ABCA12: variants seen among roughly 807,000 people sequenced by gnomAD.
The protein encoded by ABCA12 is ATP binding cassette subfamily A member 12.
ABCA12 carries 156 observed loss-of-function variants against 293.5 expected under a neutral mutation model. That is an observed-to-expected ratio of 0.53 (90% CI 0.47 to 0.61). ABCA12 has a LOEUF of 0.61. ABCA12 is among the 20% of genes least tolerant of loss of function. The pLI, the probability that ABCA12 is intolerant of heterozygous loss-of-function variation, is 0.00. For missense variants in ABCA12, 2,797 were observed against 3,090.2 expected (o/e 0.91, Z 2.25); for synonymous variants, 1,063 against 1,108.0 (o/e 0.96, Z 0.81).
chr2:214,994,655 TG>T (rs1277661489), intron 23 of ABCA12, among the ~76,000 whole-genome samples: 9 of 152,376 alleles, frequency 5.9e-5, no homozygotes, highest in African/African-American at 1.9e-4. Flanking sequence ...TTTATATTAT[TG>T]TTTTTTTTAG....
chr2:215,112,509 T>TGG (rs1340174188), intron 1 of ABCA12, among the ~76,000 whole-genome samples: 2 of 44,180 alleles, frequency 4.5e-5, no homozygotes, highest in East Asian at 3.4e-3. Context: ...TTTTTTTTGT[T>TGG]TTTTTTTGAG....
rs1406888244 is a variant in ABCA12, at chr2:214,932,442, C to G, written c.*192G>C. The G allele has an allele frequency of 1.7e-6, 1 of 594,572 alleles. No individual in the cohort carries two copies. Among genetic ancestry groups the G allele is most frequent in the African/African-American group, 1.9e-5 (1 of 53,808 alleles). The allele number at this position is 594,572 out of a possible 1,614,324, so 36.8% of individuals were successfully genotyped here. A position where few individuals can be genotyped will look rare whatever the true frequency, so the allele number is the denominator to read the frequency against. On this transcript the variant is annotated 3_prime_UTR_variant, in exon 53 of 53. Coordinates refer to ENST00000272895, the MANE Select transcript of ABCA12 (RefSeq NM_173076.3). ...AGTATACAGGAATTCATTTCAGTAGCAACAACACTCACTGACCTTAGAAGG... is the reference window on the plus strand; with the variant it reads ...AGTATACAGGAATTCATTTCAGTAGGAACAACACTCACTGACCTTAGAAGG...
chr2:215,024,818 T>G (rs1305891505), intron 11 of ABCA12, among the ~76,000 whole-genome samples: 1 of 152,124 alleles, frequency 6.6e-6, no homozygotes, highest in Non-Finnish European at 1.5e-5. Flanking sequence ...GCTTTCAAAT[T>G]TTAATAGGGT....
intron 18 of ABCA12, among the ~76,000 whole-genome samples, chr2:215,009,051 A>T (rs926614842): frequency 6.6e-6 from 1 of 152,216 alleles, no homozygotes; most frequent in African/African-American, 2.4e-5. Context: ...CCTATTCACA[A>T]CAGCAAAGAC....
intron 52 of ABCA12, among the ~76,000 whole-genome samples, chr2:214,933,213 G>A (rs533248848): frequency 6.6e-6 from 1 of 152,250 alleles, no homozygotes; most frequent in Non-Finnish European, 1.5e-5. Flanking sequence ...ACTGTGTTCA[G>A]TAAGCCAATT....
chr2:214,980,355 T>A, intron 31 of ABCA12, 128 bp downstream of exon 31: 1 of 1,321,372 alleles, frequency 7.6e-7, no homozygotes, highest in Non-Finnish European at 1.1e-6. Flanking sequence ...CTCACTCAAA[T>A]ATGAGAAGCA....
At position 215,036,980 on chromosome 2, in the gene ABCA12, G is replaced by T. The variant is rs1701008207; in HGVS notation, c.958C>A (p.Leu320Met). ...RTLQKSVKHL[L>M]YTLDSPAQGD... Reference sequence around the variant, plus strand: ...TGAGCTGGGGAGTCCAGAGTGTACAGCAGATGTTTAACAGACTTCTGGAGG... The same window carrying T: ...TGAGCTGGGGAGTCCAGAGTGTACATCAGATGTTTAACAGACTTCTGGAGG... The change falls in exon 8 of 53, where the codon CTG (leucine) becomes ATG (methionine). Residue 320 changes from leucine (L) to methionine (M), a missense_variant. This residue lies in a region of ABCA12 where 656 missense variants were observed against 638.2 expected (regional missense o/e 1.03). Transcript: ENST00000272895. The T allele has an allele frequency of 1.2e-6, 2 of 1,613,912 alleles. No homozygotes were observed. Among genetic ancestry groups the T allele is most frequent in the Middle Eastern group, 3.3e-4 (2 of 6,060 alleles).
chr2:214,953,876 C>G lies in ABCA12; in HGVS notation c.6625G>C (p.Glu2209Gln), dbSNP rs267599198. 3 of 1,613,788 alleles carry G rather than the reference C, an allele frequency of 1.9e-6. No homozygotes were observed. The highest frequency in any genetic ancestry group is 1.1e-5 in the South Asian group (1 of 91,062). ...MFFSLRLLIN[E>Q]SLIKKLRLFF... ...TACCTGAGTTTCTTTATCAGGGATT[C>G]GTTGATTAAGAGTCGCAAGGAAAAA... is the stretch of plus-strand genomic sequence containing the variant. Residue 2209 changes from glutamate (E) to glutamine (Q), a missense_variant, in exon 44 of 53, where the codon GAA becomes CAA. Physicochemically the swap from Glu to Gln is conservative, Grantham distance 29 (BLOSUM62 2). This residue lies in a region of ABCA12 where 2,130 missense variants were observed against 2,427.0 expected (regional missense o/e 0.88). Coordinates refer to ENST00000272895, the MANE Select transcript of ABCA12 (RefSeq NM_173076.3).
intron 7 of ABCA12, among the ~76,000 whole-genome samples, chr2:215,037,677 G>A (rs1055226804): frequency 3.9e-5 from 6 of 152,064 alleles, no homozygotes; most frequent in Admixed American, 2.0e-4. Context: ...CGATAAGATG[G>A]GCAGTCTACA....
chr2:215,090,725 C>A (rs1341036334), intron 2 of ABCA12, among the ~76,000 whole-genome samples: 2 of 152,140 alleles, frequency 1.3e-5, no homozygotes, highest in Non-Finnish European at 2.9e-5. Context: ...ACCTTAGTGG[C>A]AAGTACCACT....
chr2:214,998,258 T>C (rs773386069), intron 22 of ABCA12, among the ~76,000 whole-genome samples: 2 of 152,228 alleles, frequency 1.3e-5, no homozygotes, highest in African/African-American at 2.4e-5. Context: ...AGGAAGATCA[T>C]AGTTATTATG....
intron 7 of ABCA12, among the ~76,000 whole-genome samples, chr2:215,043,194 G>A (rs6744959): frequency 0.085 from 12,913 of 152,048 alleles, 1,540 homozygotes; most frequent in African/African-American, 0.27. Flanking sequence ...AAAAATACAC[G>A]TGTTGGCCAT....
intron 18 of ABCA12, among the ~76,000 whole-genome samples, chr2:215,008,358 A>C (rs965778343): frequency 3.3e-5 from 5 of 152,282 alleles, no homozygotes; most frequent in Admixed American, 2.0e-4. Context: ...CCGATACACA[A>C]GAATATTTAT....
At chr2:214,978,185 A>T (rs904171068) in intron 33 of ABCA12, 131 bp downstream of exon 33, 1 of 1,078,764 alleles carries the variant, frequency 9.3e-7, no homozygotes. Flanking sequence ...GGAGGCTTAA[A>T]TTTCCTTAGT....
chr2:214,970,202 T>C (rs1699355544), intron 37 of ABCA12, 71 bp downstream of exon 37: 6 of 1,459,998 alleles, frequency 4.1e-6, no homozygotes, highest in Non-Finnish European at 5.6e-6. Context: ...TTTGTATCTA[T>C]TGTCTCTTTA....
rs781247952 is a variant in ABCA12 at position 214,978,437 on chromosome 2, T to C, written c.5007A>G (p.Gln1669=). The C allele has an allele frequency of 1.2e-6, 2 of 1,613,836 alleles. No individual in the cohort carries two copies. The highest frequency in any genetic ancestry group is 1.1e-5 in the South Asian group (1 of 91,040). The part of the protein sequence containing the change: ...EVFLNLTKES[Q]KNSAMSLEHL... The stretch of plus-strand genomic sequence containing the variant: ...GCTCAAGACTCATAGCACTATTTTT[T>C]TGTGACTCTTTGGTCAAGTTCAGAA... The change falls in exon 33 of 53, where the codon CAA becomes CAG. Residue 1669 remains glutamine, a synonymous_variant. Coordinates refer to ENST00000272895, the MANE Select transcript of ABCA12 (RefSeq NM_173076.3).
Position 214,971,357 on chromosome 2 carries a change from A to T in ABCA12, c.5563-957T>A, listed in dbSNP as rs543367330. On this transcript the variant is annotated intron_variant, in intron 36 of 52. Transcript: ENST00000272895. ...ACTCTTATGTATTCGTGTAATTTTT[A>T]AATTATACTATACATAGAGAAATGC... Among the ~76,000 whole-genome samples the T allele has an allele frequency of 3.3e-5, 5 of 152,310 alleles. No homozygotes were observed. The South Asian group carries it at 8.3e-4, about 25-fold the overall frequency.
intron 3 of ABCA12, 33 bp from the exon 4 acceptor site, chr2:215,054,697 C>G: frequency 6.6e-7 from 1 of 1,526,566 alleles, no homozygotes; most frequent in Non-Finnish European, 9.1e-7. Flanking sequence ...TCTGTAACTT[C>G]TCCCACATTA....
At chr2:215,066,866 CA>C (rs1249901927) in intron 2 of ABCA12, among the ~76,000 whole-genome samples, 3 of 68,684 alleles carry the variant, frequency 4.4e-5, no homozygotes, top group Non-Finnish European at 1.1e-4. Flanking sequence ...GTGCCTGTTG[CA>C]ACAACAATAA....
Sources: allele counts gnomAD v4.1 joint callset (sites outside exome capture counted in the v4.1 genomes callset), GRCh38; gene constraint gnomAD v4.1.1; regional missense constraint gnomAD v4.1.1; transcripts MANE v1.5; gene names NCBI Gene and HGNC (gene_info 2026-07-23, HGNC 2026-07-21).